TKFC: variants seen among roughly 807,000 people sequenced by gnomAD.
The protein encoded by TKFC is triokinase and FMN cyclase.
Under a neutral mutation model 61.0 loss-of-function variants are expected in TKFC, and 46 were observed. The ratio of observed to expected loss-of-function variants is 0.75; its 90% CI spans 0.60 to 0.96. The LOEUF is 0.96. TKFC is among the 50% of genes least tolerant of loss of function. TKFC has a pLI of 0.00. For synonymous variants in TKFC, 314 were observed against 330.1 expected (o/e 0.95, Z 0.53); for missense variants, 715 against 777.5 (o/e 0.92, Z 0.96).
rs1856839828 is a variant in TKFC, at chr11:61,341,287, C to T, written c.487-149C>T. The T allele has an allele frequency of 5.0e-6, 4 of 804,192 alleles. No homozygotes were observed. In the Admixed American group the frequency reaches 8.3e-5, roughly 17 times the overall value. 49.8% of individuals were successfully genotyped at this position (804,192 alleles called of 1,614,324 possible). A position where few individuals can be genotyped will look rare whatever the true frequency, so the allele number is the denominator to read the frequency against. On this transcript the variant is annotated intron_variant, in intron 5 of 17. Coordinates refer to ENST00000394900, the MANE Select transcript of TKFC (RefSeq NM_015533.4). Reference sequence around the variant, plus strand: ...ACACTGTGAATGAGGGGAGTTTGCTCTTCTGCCCTAAATGTGATGGGCCAG... The same window carrying T: ...ACACTGTGAATGAGGGGAGTTTGCTTTTCTGCCCTAAATGTGATGGGCCAG...
chr11:61,351,312 C>T, downstream of TKFC: 2 of 656,522 alleles, frequency 3.0e-6, no homozygotes, highest in African/African-American at 2.6e-5. Flanking sequence ...TTTTTTGAGG[C>T]AGAGTCTTGC....
At chr11:61,349,661 G>A (rs535785719), downstream of TKFC, 18 of 702,632 alleles carry the variant, frequency 2.6e-5, no homozygotes, top group African/African-American at 7.0e-5. Flanking sequence ...AGGTGGAGCC[G>A]CACGGTCACA....
chr11:61,347,057 G>C lies in TKFC; in HGVS notation c.*554G>C, dbSNP rs1162126059. The C allele has an allele frequency of 1.1e-5, 11 of 985,734 alleles. No individual in the cohort carries two copies. The highest frequency in any genetic ancestry group is 1.2e-5 in the Non-Finnish European group (10 of 830,258). 61.1% of individuals were successfully genotyped at this position (985,734 alleles called of 1,614,324 possible). ...GAGCCCCTAAGGCAGTGTCTCCTCAGCTGGGCTGCTTCCACTGAGACCCCC... is the reference window on the plus strand; with the variant it reads ...GAGCCCCTAAGGCAGTGTCTCCTCACCTGGGCTGCTTCCACTGAGACCCCC... On this transcript the variant is annotated 3_prime_UTR_variant, in exon 18 of 18. Transcript: ENST00000394900.
chr11:61,340,041 C>G lies in TKFC; in HGVS notation c.486+606C>G, dbSNP rs188208728. Among the ~76,000 whole-genome samples, 339 of 151,732 alleles carry G rather than the reference C, an allele frequency of 2.2e-3. 8 individuals are homozygous for G. The highest frequency in any genetic ancestry group is 0.017 in the East Asian group (88 of 5,150). On this transcript the variant is annotated intron_variant, in intron 5 of 17. Transcript: ENST00000394900. ...TTATTTATTTTTTGAGGCAGAGTCTCACTCTGTTGCCCAGGCTGGAATGCA... is the reference window on the plus strand; with the variant it reads ...TTATTTATTTTTTGAGGCAGAGTCTGACTCTGTTGCCCAGGCTGGAATGCA...
rs1322005239 is a variant in TKFC at position 61,333,258 on chromosome 11, C to T, written c.-181C>T. Reference sequence around the variant, plus strand: ...CGCCCGCAGGACCCGGATGAGAGCGCACGCTTCGGGGTCTCCGGGAAGTCG... The same window carrying T: ...CGCCCGCAGGACCCGGATGAGAGCGTACGCTTCGGGGTCTCCGGGAAGTCG... On this transcript the variant is annotated 5_prime_UTR_variant, in exon 1 of 18. Transcript: ENST00000394900. 1 of 303,918 alleles carries T rather than the reference C, an allele frequency of 3.3e-6. No homozygotes were observed. Among genetic ancestry groups the T allele is most frequent in the East Asian group, 5.3e-5 (1 of 18,998 alleles). 18.8% of individuals were successfully genotyped at this position (303,918 alleles called of 1,614,324 possible).
chr11:61,353,046 T>G (rs1857491332), downstream of TKFC: 1 of 1,613,990 alleles, frequency 6.2e-7, no homozygotes, highest in African/African-American at 1.3e-5. Flanking sequence ...AGAGAGAGGA[T>G]GGCGGCTCCA....
Position 61,347,556 on chromosome 11 carries a change from A to G in TKFC, c.*1053A>G, listed in dbSNP as rs879123739. On this transcript the variant is annotated 3_prime_UTR_variant, in exon 18 of 18. Coordinates refer to ENST00000394900, the MANE Select transcript of TKFC (RefSeq NM_015533.4). ...CCTGTCTCAAAAAAAAAAAAAAAAA[A>G]AAAAGAAACTGCAGCCAAGCCAGCC... is the stretch of plus-strand genomic sequence containing the variant. 3.6e-4 allele frequency: 305 copies of G among 835,896 alleles called. 2 individuals are homozygous for G. In the South Asian group the frequency reaches 0.012, roughly 32 times the overall value. 51.8% of individuals were successfully genotyped at this position (835,896 alleles called of 1,614,324 possible). A position where few individuals can be genotyped will look rare whatever the true frequency, so the allele number is the denominator to read the frequency against.
At position 61,346,010 on chromosome 11, in the gene TKFC, A is replaced by C. The variant is rs116283558; in HGVS notation, c.1575+64A>C. ...TTCTAGCCAGCAGACTCCTGTCTCC[A>C]TGTGACCCTGAGCAAGTTAATAACC... On this transcript the variant is annotated intron_variant, in intron 17 of 17. Coordinates refer to ENST00000394900, the MANE Select transcript of TKFC (RefSeq NM_015533.4). The surrounding 1 kb of genome is among the most constrained non-coding windows in gnomAD (Gnocchi z 4.1). 2,796 of 1,535,162 alleles carry C rather than the reference A, an allele frequency of 1.8e-3. 57 individuals are homozygous for C. The African/African-American group carries it at 0.035, about 19-fold the overall frequency.
chr11:61,339,393 G>T lies in TKFC; in HGVS notation c.444G>T (p.Lys148Asn). Reference protein sequence around the residue: ...GDDSAFTVLKKAGRRGLCGTV... With the variant: ...GDDSAFTVLKNAGRRGLCGTV... The stretch of plus-strand genomic sequence containing the variant: ...ACAGCGCCTTCACTGTCCTGAAGAA[G>T]GCAGGCCGGCGGGGGCTGTGCGGCA... The change falls in exon 5 of 18, where the codon AAG becomes AAT. Residue 148 changes from lysine to asparagine, a missense_variant. By Grantham distance (94) the Lys-to-Asn change is moderately conservative (BLOSUM62 0). Transcript: ENST00000394900. 6.2e-7 allele frequency: 1 copy of T among 1,613,296 alleles called. No homozygotes were observed. The highest frequency in any genetic ancestry group is 8.5e-7 in the Non-Finnish European group (1 of 1,179,922).
At chr11:61,344,049 G>T in intron 12 of TKFC, 74 bp downstream of exon 12, 1 of 1,598,022 alleles carries the variant, frequency 6.3e-7, no homozygotes. Flanking sequence ...GCGGGTAGGG[G>T]CCCTGGCACC....
In TKFC at chr11:61,346,326, C is replaced by G. The variant is rs1220156562; in HGVS notation, c.1576-25C>G. The G allele has an allele frequency of 9.3e-6, 15 of 1,611,330 alleles. No individual in the cohort carries two copies. The highest frequency in any genetic ancestry group is 1.3e-5 in the Non-Finnish European group (15 of 1,179,986). On this transcript the variant is annotated intron_variant, in intron 17 of 17. Coordinates refer to ENST00000394900, the MANE Select transcript of TKFC (RefSeq NM_015533.4). This position sits in a 1 kb window ranked among gnomAD's most constrained non-coding sequence, Gnocchi z 4.1. The stretch of plus-strand genomic sequence containing the variant: ...GGCGGCCTGGTGATCTGCCCTTGAA[C>G]CTGCTCCCACACCCCATCCCCCAGA...
chr11:61,349,690 C>A, downstream of TKFC: 1 of 701,870 alleles, frequency 1.4e-6, no homozygotes, highest in African/African-American at 1.7e-5. Context: ...AGACACAGAG[C>A]AGCAATACGA....
At chr11:61,337,307 GA>G (rs1856648805) in intron 2 of TKFC, among the ~76,000 whole-genome samples, 1 of 152,126 alleles carries the variant, frequency 6.6e-6, no homozygotes, top group South Asian at 2.1e-4. Context: ...ACCATGCCTG[GA>G]TCATTTTTCA....
intron 7 of TKFC, 105 bp from the exon 8 acceptor site, chr11:61,342,356 C>T: frequency 6.9e-7 from 1 of 1,449,146 alleles, no homozygotes; most frequent in South Asian, 1.1e-5. Flanking sequence ...TCCCCCACTC[C>T]CGCCCACTTA....
chr11:61,347,063 C>T lies in TKFC; in HGVS notation c.*560C>T, dbSNP rs942973258. 2.0e-5 allele frequency: 20 copies of T among 985,666 alleles called. No homozygotes were observed. The African/African-American group carries it at 3.5e-4, about 17-fold the overall frequency. The allele number at this position is 985,666 out of a possible 1,614,324, so 61.1% of individuals were successfully genotyped here. On this transcript the variant is annotated 3_prime_UTR_variant, in exon 18 of 18. Coordinates refer to ENST00000394900, the MANE Select transcript of TKFC (RefSeq NM_015533.4). ...CTAAGGCAGTGTCTCCTCAGCTGGG[C>T]TGCTTCCACTGAGACCCCCGACCCA... is the stretch of plus-strand genomic sequence containing the variant.
At chr11:61,351,917 G>C (rs926034546), downstream of TKFC, 1 of 152,054 alleles carries the variant, frequency 6.6e-6, no homozygotes, top group African/African-American at 2.4e-5. Context: ...CTATCTCTTG[G>C]CTGGGGGGAT....
At chr11:61,352,565 G>A (rs1260650602), downstream of TKFC, 1 of 194,332 alleles carries the variant, frequency 5.1e-6, no homozygotes, top group East Asian at 1.7e-4. Context: ...GGAGGCAGAG[G>A]CAGGAGAATT....
chr11:61,333,810 G>C (rs1035018222), intron 1 of TKFC: 8 of 152,262 alleles, frequency 5.3e-5, no homozygotes, highest in African/African-American at 1.7e-4. Context: ...CCGGGAACAA[G>C]AGGAATACCA....
rs758942769 is a variant in TKFC, at chr11:61,338,027, C to A, written c.90C>A (p.Leu30=). The stretch of plus-strand genomic sequence containing the variant: ...TGGCCTGCAACCCCAACCTGCAGCT[C>A]CTGCAGGGCCACCGCGTGGCCCTCC... ...GLVACNPNLQ[L]LQGHRVALRS... Residue 30 remains leucine, a synonymous_variant, in exon 3 of 18, where the codon CTC becomes CTA. Transcript: ENST00000394900. 6.2e-7 allele frequency: 1 copy of A among 1,613,704 alleles called. No homozygotes were observed. The highest frequency in any genetic ancestry group is 8.5e-7 in the Non-Finnish European group (1 of 1,179,920).
Sources: gnomAD v4.1 joint callset for allele counts (sites outside exome capture counted in the v4.1 genomes callset) on GRCh38, gnomAD v4.1.1 for gene constraint, Gnocchi (gnomAD v3.1) non-coding constraint, MANE v1.5 for transcripts, NCBI Gene and HGNC (gene_info 2026-07-23, HGNC 2026-07-21) for gene names.